Variants in CSPP1 observed in about 807,000 individuals in gnomAD.
CSPP1 encodes centrosome and spindle pole-associated protein 1.
Under a neutral mutation model 164.4 loss-of-function variants are expected in CSPP1, and 126 were observed. The observed-to-expected ratio is 0.77, with a 90% confidence interval of 0.66 to 0.89. The LOEUF (loss-of-function observed/expected upper bound fraction) is 0.89. CSPP1 is among the 40% of genes least tolerant of loss of function. The probability of loss-of-function intolerance (pLI) is 0.00; values close to 1 mark genes in which losing one functional copy is unlikely to be tolerated. For missense variants in CSPP1, 1,395 were observed against 1,449.8 expected (o/e 0.96, Z 0.61); for synonymous variants, 472 against 476.7 (o/e 0.99, Z 0.13).
intron 1 of CSPP1, 121 bp from the exon 2 acceptor site, chr8:67,074,122 A>G (rs1041385442): frequency 1.7e-6 from 1 of 599,248 alleles, no homozygotes; most frequent in Non-Finnish European, 3.0e-6. Flanking sequence ...ATCAATCTTA[A>G]GTTTGAATTT....
intron 28 of CSPP1, among the ~76,000 whole-genome samples, chr8:67,190,326 G>A (rs1835861909): frequency 6.6e-6 from 1 of 152,166 alleles, no homozygotes; most frequent in Admixed American, 6.5e-5. Flanking sequence ...AAAAGATTAA[G>A]TTGTAGAATT....
In CSPP1 at chr8:67,087,577, C is replaced by T. The variant is rs188984574; in HGVS notation, c.303+1467C>T. ...GGGTGATCTGGAGAGAGAATCGAAG[C>T]GAGAAAGCTTTTCAGATGGAAAGCA... On this transcript the variant is annotated intron_variant, in intron 4 of 30. Transcript: ENST00000678616. 1.1e-4 allele frequency among the ~76,000 whole-genome samples: 16 copies of T among 152,160 alleles called. No homozygotes were observed. The East Asian group carries it at 2.9e-3, about 28-fold the overall frequency.
At chr8:67,160,451 C>T (rs1050834677) in intron 21 of CSPP1, among the ~76,000 whole-genome samples, 13 of 141,970 alleles carry the variant, frequency 9.2e-5, no homozygotes, top group African/African-American at 2.4e-4. Context: ...GGTGACAGAG[C>T]GAGACTCCAT....
chr8:67,179,583 A>G lies in CSPP1; in HGVS notation c.3157-280A>G, dbSNP rs189553147. On this transcript the variant is annotated intron_variant, in intron 27 of 30. Coordinates refer to ENST00000678616, the MANE Select transcript of CSPP1 (RefSeq NM_001382391.1). ...TCCTTTTATTTGACTTCAACCATAA[A>G]GGGGCAGGAAGGAGTGGAGCTAGGG... is the stretch of plus-strand genomic sequence containing the variant. Among the ~76,000 whole-genome samples the G allele has an allele frequency of 9.6e-4, 146 of 152,316 alleles. No homozygotes were observed. The highest frequency in any genetic ancestry group is 3.4e-3 in the African/African-American group (142 of 41,572).
At chr8:67,127,159 A>C (rs1563627006) in intron 15 of CSPP1, among the ~76,000 whole-genome samples, 1 of 152,194 alleles carries the variant, frequency 6.6e-6, no homozygotes, top group African/African-American at 2.4e-5. Context: ...CAACCTTAAC[A>C]AAAAAACAAA....
At chr8:67,108,399 G>A (rs1405671695) in intron 9 of CSPP1, among the ~76,000 whole-genome samples, 14 of 145,426 alleles carry the variant, frequency 9.6e-5, no homozygotes, top group African/African-American at 1.8e-4. Context: ...AAGACCCTGT[G>A]TCAAAAAAAA....
At chr8:67,068,373 A>G (rs1391442855) in intron 1 of CSPP1, among the ~76,000 whole-genome samples, 1 of 152,238 alleles carries the variant, frequency 6.6e-6, no homozygotes, top group Non-Finnish European at 1.5e-5. Flanking sequence ...AAAACTGTTT[A>G]TCATCTACAT....
intron 18 of CSPP1, among the ~76,000 whole-genome samples, 181 bp from the exon 19 acceptor site, chr8:67,153,843 C>A (rs186821417): frequency 6.7e-6 from 1 of 149,008 alleles, no homozygotes; most frequent in African/African-American, 2.4e-5. Flanking sequence ...TACCATTTTT[C>A]TTTCTCTTAC....
At chr8:67,168,272 CA>C (rs1260943103) in intron 24 of CSPP1, among the ~76,000 whole-genome samples, 1 of 136,464 alleles carries the variant, frequency 7.3e-6, no homozygotes, top group African/African-American at 2.8e-5. Context: ...GGCTCGGCAT[CA>C]GAGGGAGACC....
intron 16 of CSPP1, among the ~76,000 whole-genome samples, chr8:67,137,032 A>C (rs768475272): frequency 1.6e-4 from 24 of 152,016 alleles, no homozygotes; most frequent in Non-Finnish European, 2.8e-4. Context: ...CCCAAGCTGA[A>C]GTACAGTGGC....
At chr8:67,184,475 C>T (rs868635964) in intron 28 of CSPP1, among the ~76,000 whole-genome samples, 1 of 151,968 alleles carries the variant, frequency 6.6e-6, no homozygotes, top group South Asian at 2.1e-4. Flanking sequence ...TGGTGGCTCA[C>T]ACCTGTAATC....
intron 4 of CSPP1, among the ~76,000 whole-genome samples, chr8:67,087,441 G>A (rs1471987578): frequency 6.6e-6 from 1 of 152,196 alleles, no homozygotes; most frequent in Non-Finnish European, 1.5e-5. Context: ...TTAGAATTTA[G>A]TTGTAGAGAT....
At chr8:67,120,736 T>A (rs1818809625) in intron 15 of CSPP1, among the ~76,000 whole-genome samples, 1 of 152,184 alleles carries the variant, frequency 6.6e-6, no homozygotes. Flanking sequence ...CTGAATTCAT[T>A]TATTTTAATA....
chr8:67,070,184 T>C (rs1030534891), intron 1 of CSPP1, among the ~76,000 whole-genome samples: 5 of 151,324 alleles, frequency 3.3e-5, no homozygotes, highest in African/African-American at 7.3e-5. Flanking sequence ...CTGAAATAAG[T>C]CGGGACGGTG....
intron 7 of CSPP1, chr8:67,099,182 C>T: frequency 6.6e-6 from 1 of 152,016 alleles, no homozygotes; most frequent in South Asian, 2.1e-4. Flanking sequence ...TTTATTCCCT[C>T]AATCATATCT....
intron 17 of CSPP1, among the ~76,000 whole-genome samples, chr8:67,145,440 C>CA (rs1220090581): frequency 1.3e-5 from 2 of 151,382 alleles, no homozygotes; most frequent in African/African-American, 4.9e-5. Context: ...CTTCTTGTTT[C>CA]AGTGATTTTG....
At chr8:67,188,746 C>T (rs543397557) in intron 28 of CSPP1, among the ~76,000 whole-genome samples, 4 of 152,276 alleles carry the variant, frequency 2.6e-5, no homozygotes, top group African/African-American at 4.8e-5. Context: ...TCTGATCCAG[C>T]GGGGTGGCAC....
intron 1 of CSPP1, among the ~76,000 whole-genome samples, chr8:67,069,945 C>G (rs565629939): frequency 3.1e-4 from 47 of 151,684 alleles, no homozygotes; most frequent in Admixed American, 7.2e-4. Flanking sequence ...CAGGCGTGAG[C>G]CACCGCCCCC....
chr8:67,072,237 G>A (rs747333847), intron 1 of CSPP1, among the ~76,000 whole-genome samples: 2 of 151,788 alleles, frequency 1.3e-5, no homozygotes, highest in African/African-American at 2.4e-5. Flanking sequence ...AGGCTGCAGT[G>A]AGATTGCGCT....
Sources: gnomAD v4.1 joint callset for allele counts (sites outside exome capture counted in the v4.1 genomes callset) on GRCh38, gnomAD v4.1.1 for gene constraint, MANE v1.5 for transcripts, NCBI Gene and HGNC (gene_info 2026-07-23, HGNC 2026-07-21) for gene names.